DPH5: variants seen among roughly 807,000 people sequenced by gnomAD.
DPH5 encodes the protein diphthine methyl ester synthase.
In DPH5, 31 loss-of-function variants were observed where a neutral mutation model predicts 31.6. The observed-to-expected ratio is 0.98, with a 90% CI of 0.74 to 1.32. The LOEUF is 1.32. DPH5 is among the 40% of genes most tolerant of loss of function. The pLI is 0.00. For missense variants in DPH5, 309 were observed against 335.7 expected, an observed-to-expected ratio of 0.92 and a Z score of 0.62; for synonymous variants, 120 against 115.0, an observed-to-expected ratio of 1.04 and a Z score of -0.28.
At chr1:100,996,983 C>A (rs1462583105) in intron 5 of DPH5, among the ~76,000 whole-genome samples, 2 of 152,226 alleles carry the variant, frequency 1.3e-5, no homozygotes, top group Non-Finnish European at 2.9e-5. Context: ...ACATCCTATA[C>A]TTCACACTCT....
chr1:100,992,716 T>C lies in DPH5; in HGVS notation c.555A>G (p.Pro185=). Residue 185 remains proline (P), a synonymous_variant, in exon 7 of 8, where the codon CCA becomes CCG. Coordinates refer to ENST00000370109, the MANE Select transcript of DPH5 (RefSeq NM_015958.3). ...CTGCTTGGTTTACACTCATATACCG[T>C]GGAGGTTCATAGATCTTCCTTCCCC... The part of the protein sequence containing the change: ...LIKGRKIYEP[P]RYMSVNQAAQ... 1 of 1,613,412 alleles carries C rather than the reference T, an allele frequency of 6.2e-7. No individual in the cohort carries two copies. Among genetic ancestry groups the C allele is most frequent in the East Asian group, 2.2e-5 (1 of 44,840 alleles).
chr1:100,996,651 T>G (rs1032069789), intron 5 of DPH5, among the ~76,000 whole-genome samples: 1 of 152,166 alleles, frequency 6.6e-6, no homozygotes, highest in African/African-American at 2.4e-5. Context: ...CCAGCCCATA[T>G]TAAACTATCC....
intron 3 of DPH5, 147 bp from the exon 4 acceptor site, chr1:101,013,965 G>A (rs1659882416): frequency 1.8e-6 from 1 of 562,220 alleles, no homozygotes; most frequent in East Asian, 2.9e-5. Flanking sequence ...GCTTTCATCT[G>A]AGCTTTTTAG....
intron 6 of DPH5, among the ~76,000 whole-genome samples, chr1:100,993,946 C>A (rs975498333): frequency 3.3e-5 from 5 of 151,816 alleles, no homozygotes; most frequent in Non-Finnish European, 5.9e-5. Context: ...GTTTCACCAT[C>A]TTGGCCAGGC....
At position 100,989,831 on chromosome 1, in the gene DPH5, T is replaced by A. The variant is rs1460587501; in HGVS notation, c.*577A>T. 1 of 152,688 alleles carries A rather than the reference T, an allele frequency of 6.5e-6. No individual in the cohort carries two copies. Among genetic ancestry groups the A allele is most frequent in the African/African-American group, 2.4e-5 (1 of 41,446 alleles). 9.5% of individuals were successfully genotyped at this position (152,688 alleles called of 1,614,324 possible). A position where few individuals can be genotyped will look rare whatever the true frequency, so the allele number is the denominator to read the frequency against. ...TCTATCCACAAGCTTTCCAGCCTGG[T>A]CTGCTTTATGTGTACATCCTGAAAA... is the stretch of plus-strand genomic sequence containing the variant. On this transcript the variant is annotated 3_prime_UTR_variant, in exon 8 of 8. Coordinates refer to ENST00000370109, the MANE Select transcript of DPH5 (RefSeq NM_015958.3).
chr1:101,011,224 T>G (rs375278251), intron 4 of DPH5, among the ~76,000 whole-genome samples: 53 of 146,880 alleles, frequency 3.6e-4, no homozygotes, highest in African/African-American at 1.3e-3. Context: ...TTTTAATGCT[T>G]TTTATGTTAA....
chr1:100,990,494 T>C lies in DPH5; in HGVS notation c.772A>G (p.Ser258Gly). 6.2e-7 allele frequency: 1 copy of C among 1,614,236 alleles called. No homozygotes were observed. The highest frequency in any genetic ancestry group is 8.5e-7 in the Non-Finnish European group (1 of 1,180,030). The change falls in exon 8 of 8, where the codon AGC (serine) becomes GGC (glycine). Residue 258 changes from serine (S) to glycine (G), a missense_variant. Ser to Gly is a moderately conservative substitution (Grantham distance 56, BLOSUM62 0). Coordinates refer to ENST00000370109, the MANE Select transcript of DPH5 (RefSeq NM_015958.3). ...PLHSLIITGG[S>G]IHPMEMEMLS... ...ATCTCCATCTCCATTGGATGTATGC[T>C]GCCTCCTGTGATGATCAAGGAATGC...
intron 7 of DPH5, among the ~76,000 whole-genome samples, chr1:100,992,273 C>T (rs977772700): frequency 4.0e-5 from 6 of 151,874 alleles, no homozygotes; most frequent in African/African-American, 7.3e-5. Flanking sequence ...AATAAAAGAA[C>T]GATAAGTATA....
rs1558055943 is a variant in DPH5, at chr1:101,025,387, G to A, written c.57C>T (p.Gly19=). 1.2e-6 allele frequency: 2 copies of A among 1,614,168 alleles called. No homozygotes were observed. The highest frequency in any genetic ancestry group is 1.7e-6 in the Non-Finnish European group (2 of 1,180,028). ...LGDAKDITVK[G]LEVVRRCSRV... is the part of the protein sequence containing the mutation. ...GACTGCAGCGTCTAACAACTTCCAG[G>A]CCCTTGACTGTGATGTCCTTGGCAT... The change falls in exon 2 of 8, where the codon GGC becomes GGT. Residue 19 remains glycine, a synonymous_variant. Coordinates refer to ENST00000370109, the MANE Select transcript of DPH5 (RefSeq NM_015958.3).
In DPH5 at chr1:100,995,132, G is replaced by C; in HGVS notation, c.508C>G (p.Gln170Glu). 1 of 1,578,646 alleles carries C rather than the reference G, an allele frequency of 6.3e-7. No homozygotes were observed. The highest frequency in any genetic ancestry group is 8.7e-7 in the Non-Finnish European group (1 of 1,149,078). ...TACTTGATTAGATTTTCCAAAGACT[G>C]CTCCTTTACTTTGATGTCTGTAGGA... is the stretch of plus-strand genomic sequence containing the variant. ...LCLLDIKVKE[Q>E]SLENLIKGRK... The change falls in exon 6 of 8, where the codon CAG becomes GAG. Residue 170 changes from glutamine to glutamate, a missense_variant. By Grantham distance (29) the Gln-to-Glu change is conservative. Coordinates refer to ENST00000370109, the MANE Select transcript of DPH5 (RefSeq NM_015958.3).
intron 5 of DPH5, 21 bp from the exon 6 acceptor site, chr1:100,995,170 T>C (rs1326356009): frequency 6.6e-7 from 1 of 1,521,224 alleles, no homozygotes; most frequent in South Asian, 1.1e-5. Flanking sequence ...TAAAAATAGT[T>C]CTTTTAATTT....
At position 101,013,773 on chromosome 1, in the gene DPH5, T is replaced by A. The variant is rs749593698; in HGVS notation, c.306A>T (p.Gly102=). ...CATTGTGAATAACTCTATAAGGAAT[T>A]CCCAGCTTTGTTGCTCTTAGAACAA... The part of the protein sequence containing the change: ...SDLVLRATKL[G]IPYRVIHNAS... Residue 102 remains glycine (G), a synonymous_variant, in exon 4 of 8, where the codon GGA becomes GGT. Coordinates refer to ENST00000370109, the MANE Select transcript of DPH5 (RefSeq NM_015958.3). 1 of 1,613,270 alleles carries A rather than the reference T, an allele frequency of 6.2e-7. No homozygotes were observed. The highest frequency in any genetic ancestry group is 8.5e-7 in the Non-Finnish European group (1 of 1,179,632).
chr1:100,990,391 A>G lies in DPH5; in HGVS notation c.*17T>C, dbSNP rs776175454. On this transcript the variant is annotated 3_prime_UTR_variant, in exon 8 of 8. Coordinates refer to ENST00000370109, the MANE Select transcript of DPH5 (RefSeq NM_015958.3). ...ATATGGCTGAAATTTACATCAGACA[A>G]TGGTAAATATCTATGTTCAAAGTCC... is the stretch of plus-strand genomic sequence containing the variant. 6.2e-7 allele frequency: 1 copy of G among 1,607,594 alleles called. No homozygotes were observed. The highest frequency in any genetic ancestry group is 1.3e-5 in the African/African-American group (1 of 74,902).
chr1:100,993,559 AATATATATATATATATATATAT>A (rs10527775), intron 6 of DPH5, among the ~76,000 whole-genome samples: 14,891 of 56,914 alleles, frequency 0.26, 2,027 homozygotes, highest in Middle Eastern at 0.39. Flanking sequence ...CGAAAATATA[AATATATATATATATATATATAT>A]ATATATATAT....
chr1:101,000,091 G>A (rs1658737837), intron 5 of DPH5, among the ~76,000 whole-genome samples: 1 of 151,720 alleles, frequency 6.6e-6, no homozygotes, highest in Admixed American at 6.6e-5. Context: ...AGGTTGCAGT[G>A]AGCCGAGACT....
In DPH5 at chr1:101,025,669, G is replaced by C; in HGVS notation, c.-24+14C>G. The C allele has an allele frequency of 1.8e-6, 1 of 550,034 alleles. No individual in the cohort carries two copies. Among genetic ancestry groups the C allele is most frequent in the Non-Finnish European group, 3.2e-6 (1 of 309,610 alleles). 34.1% of individuals were successfully genotyped at this position (550,034 alleles called of 1,614,324 possible). The stretch of plus-strand genomic sequence containing the variant: ...TTTGCCTCTTGTTACACAAACCTAG[G>C]AGCAGCCAATTACCCGCTGAGAGAA... On this transcript the variant is annotated intron_variant, in intron 1 of 7. Transcript: ENST00000370109.
chr1:101,025,324 T>C lies in DPH5; in HGVS notation c.120A>G (p.Val40=). The C allele has an allele frequency of 6.2e-7, 1 of 1,614,192 alleles. No individual in the cohort carries two copies. Among genetic ancestry groups the C allele is most frequent in the African/African-American group, 1.3e-5 (1 of 75,060 alleles). ...CAGCACCTACCAAGGCTTCCTTCCCTACAGTTAGGACTGAGGTGTAGGCTT... is the reference window on the plus strand; with the variant it reads ...CAGCACCTACCAAGGCTTCCTTCCCCACAGTTAGGACTGAGGTGTAGGCTT... ...YLEAYTSVLT[V]GKEALEEFYG... is the part of the protein sequence containing the mutation. The change falls in exon 2 of 8, where the codon GTA becomes GTG. Residue 40 remains valine, a synonymous_variant. Transcript: ENST00000370109.
At chr1:101,016,566 C>T (rs554142183) in intron 3 of DPH5, among the ~76,000 whole-genome samples, 1 of 151,590 alleles carries the variant, frequency 6.6e-6, no homozygotes, top group East Asian at 2.0e-4. Flanking sequence ...CTCCCTCAGC[C>T]TCTCGGGTAG....
At chr1:101,011,700 A>C (rs1659687111) in intron 4 of DPH5, 1 of 151,798 alleles carries the variant, frequency 6.6e-6, no homozygotes, top group Non-Finnish European at 1.5e-5. Context: ...CTTAATAAAG[A>C]AGCAAAAAAA....
Sources: allele counts gnomAD v4.1 joint callset (sites outside exome capture counted in the v4.1 genomes callset), GRCh38; gene constraint gnomAD v4.1.1; transcripts MANE v1.5; gene names NCBI Gene and HGNC (gene_info 2026-07-23, HGNC 2026-07-21).